ATP2A3: variants seen among roughly 807,000 people sequenced by gnomAD.
The protein encoded by ATP2A3 is sarcoplasmic/endoplasmic reticulum calcium ATPase 3.
ATP2A3 carries 61 observed loss-of-function variants against 106.8 expected under a neutral mutation model. The observed-to-expected ratio is 0.57, with a 90% CI of 0.46 to 0.71. The LOEUF is 0.71. ATP2A3 is among the 30% of genes least tolerant of loss of function. The pLI is 0.00. For missense variants in ATP2A3, 1,201 were observed against 1,423.5 expected, an observed-to-expected ratio of 0.84 and a Z score of 2.52; for synonymous variants, 611 against 609.3, an observed-to-expected ratio of 1.00 and a Z score of -0.04.
Position 3,934,538 on chromosome 17 carries a change from T to TC in ATP2A3, c.2610+653dup, listed in dbSNP as rs1555555352. 4.1e-5 allele frequency among the ~76,000 whole-genome samples: 6 copies of TC among 146,444 alleles called. 1 individual carries two copies. Among genetic ancestry groups the TC allele is most frequent in the Non-Finnish European group, 4.5e-5 (3 of 66,684 alleles). On this transcript the variant is annotated intron_variant, in intron 17 of 20. Coordinates refer to ENST00000397041, the MANE Select transcript of ATP2A3 (RefSeq NM_005173.4). Reference sequence around the variant, plus strand: ...CCCTCGATTCTTTTTTTTTTTTTTTTCTTGAGATGGAGTCTTGCTCTGTCA... The same window carrying TC: ...CCCTCGATTCTTTTTTTTTTTTTTTTCCTTGAGATGGAGTCTTGCTCTGTCA...
Position 3,935,258 on chromosome 17 carries a change from T to C in ATP2A3, c.2544A>G (p.Thr848=), listed in dbSNP as rs756528542. 1.2e-6 allele frequency: 2 copies of C among 1,613,866 alleles called. No homozygotes were observed. Among genetic ancestry groups the C allele is most frequent in the Non-Finnish European group, 1.7e-6 (2 of 1,180,022 alleles). The stretch of plus-strand genomic sequence containing the variant: ...CAAACCACCAGGTGGCGGCAGCCAC[T>C]GTGGCCAGGCCTACGTACACTGCGG... ...LAIGVYVGLA[T]VAAATWWFVY... Residue 848 remains threonine (T), a synonymous_variant, in exon 17 of 21, where the codon ACA becomes ACG. Coordinates refer to ENST00000397041, the MANE Select transcript of ATP2A3 (RefSeq NM_005173.4).
intron 17 of ATP2A3, among the ~76,000 whole-genome samples, chr17:3,932,724 G>GC (rs1459768697): frequency 8.6e-5 from 13 of 151,874 alleles, no homozygotes; most frequent in African/African-American, 2.7e-4. Context: ...ATAGGCGTGA[G>GC]CAGCCACACG....
chr17:3,931,856 G>T (rs2053121824), intron 17 of ATP2A3, among the ~76,000 whole-genome samples: 2 of 152,196 alleles, frequency 1.3e-5, no homozygotes, highest in South Asian at 4.1e-4. Flanking sequence ...GGGGCCATGT[G>T]CTGTGAACAT....
Position 3,929,227 on chromosome 17 carries a change from C to A in ATP2A3, c.2862+101G>T. 8.9e-7 allele frequency: 1 copy of A among 1,126,406 alleles called. No homozygotes were observed. The allele number at this position is 1,126,406 out of a possible 1,614,324, so 69.8% of individuals were successfully genotyped here. On this transcript the variant is annotated intron_variant, in intron 19 of 20. Transcript: ENST00000397041. The surrounding 1 kb of genome is among the most constrained non-coding windows in gnomAD (Gnocchi z 4.3). ...GCCAGACCTCTCACCTCCCTCTCCT[C>A]CAGGTAGTTTCCATTGCAGGGGGGC...
chr17:3,943,712 C>G (rs1037715031), intron 10 of ATP2A3, among the ~76,000 whole-genome samples, 190 bp from the exon 11 acceptor site: 2 of 152,142 alleles, frequency 1.3e-5, no homozygotes, highest in Non-Finnish European at 2.9e-5. Context: ...GACATTCAGC[C>G]CCCCACACTG....
chr17:3,932,489 G>C (rs1020700447), intron 17 of ATP2A3, among the ~76,000 whole-genome samples: 3 of 152,206 alleles, frequency 2.0e-5, no homozygotes, highest in African/African-American at 7.2e-5. Flanking sequence ...ACCCAGGCTG[G>C]AGTGCAGTGG....
In ATP2A3 at chr17:3,930,787, C is replaced by A. The variant is rs1222877300; in HGVS notation, c.2611-353G>T. On this transcript the variant is annotated intron_variant, in intron 17 of 20. Transcript: ENST00000397041. The surrounding 1 kb of genome is among the most constrained non-coding windows in gnomAD (Gnocchi z 5.4). ...GTGAAAATCAACCAACAAAACCATGCGGGAGTGGAATTCACCTTTGCGGTA... is the reference window on the plus strand; with the variant it reads ...GTGAAAATCAACCAACAAAACCATGAGGGAGTGGAATTCACCTTTGCGGTA... The A allele has an allele frequency of 5.1e-6, 2 of 390,612 alleles. No individual in the cohort carries two copies. Among genetic ancestry groups the A allele is most frequent in the Non-Finnish European group, 9.9e-6 (2 of 202,868 alleles). 24.2% of individuals were successfully genotyped at this position (390,612 alleles called of 1,614,324 possible). A position where few individuals can be genotyped will look rare whatever the true frequency, so the allele number is the denominator to read the frequency against.
chr17:3,949,803 A>C (rs978412697), intron 7 of ATP2A3, among the ~76,000 whole-genome samples: 2 of 152,182 alleles, frequency 1.3e-5, no homozygotes, highest in African/African-American at 4.8e-5. Context: ...TATTATTATT[A>C]CTATAAATTT....
intron 17 of ATP2A3, among the ~76,000 whole-genome samples, chr17:3,931,330 T>C (rs913287671): frequency 3.3e-5 from 5 of 151,238 alleles, no homozygotes; most frequent in Non-Finnish European, 7.4e-5. Context: ...CTCAGGGGAG[T>C]TTTCTTACTG....
At position 3,947,581 on chromosome 17, in the gene ATP2A3, A is replaced by G; in HGVS notation, c.905T>C (p.Leu302Pro). The part of the protein sequence containing the change: ...AVYYFKIAVA[L>P]AVAAIPEGLP... ...GCCCTCGGGGATGGCCGCCACCGCC[A>G]GGGCCACGGCGATCTTGAAGTAGTA... Residue 302 changes from leucine (L) to proline (P), a missense_variant, in exon 8 of 21, where the codon CTG becomes CCG. Transcript: ENST00000397041. This position sits in a 1 kb window ranked among gnomAD's most constrained non-coding sequence, Gnocchi z 7.7. 1 of 1,612,826 alleles carries G rather than the reference A, an allele frequency of 6.2e-7. No individual in the cohort carries two copies. The highest frequency in any genetic ancestry group is 8.5e-7 in the Non-Finnish European group (1 of 1,179,908).
intron 16 of ATP2A3, 78 bp from the exon 17 acceptor site, chr17:3,935,355 C>T: frequency 7.2e-7 from 1 of 1,389,980 alleles, no homozygotes; most frequent in Non-Finnish European, 1.0e-6. Context: ...TAATAATTCC[C>T]TGAATTCCCT....
Position 3,924,721 on chromosome 17 carries a change from T to A in ATP2A3, c.*701A>T, listed in dbSNP as rs986639437. ...AGTCCAGCCAGGCTTTCCCGACTTG[T>A]CTCCCGGGAAAGGACATCCTCGCTC... On this transcript the variant is annotated 3_prime_UTR_variant, in exon 21 of 21. Transcript: ENST00000397041. The surrounding 1 kb of genome is among the most constrained non-coding windows in gnomAD (Gnocchi z 6.4). 2 of 456,066 alleles carry A rather than the reference T, an allele frequency of 4.4e-6. No individual in the cohort carries two copies. Among genetic ancestry groups the A allele is most frequent in the Non-Finnish European group, 8.8e-6 (2 of 226,786 alleles). 28.3% of individuals were successfully genotyped at this position (456,066 alleles called of 1,614,324 possible). A position where few individuals can be genotyped will look rare whatever the true frequency, so the allele number is the denominator to read the frequency against.
At chr17:3,944,219 C>T (rs1338087753) in intron 10 of ATP2A3, among the ~76,000 whole-genome samples, 4 of 152,216 alleles carry the variant, frequency 2.6e-5, no homozygotes, top group Non-Finnish European at 5.9e-5. Flanking sequence ...CTGACTATGT[C>T]ACTCTCCTGC....
chr17:3,938,632 TC>T (rs1181417378), intron 14 of ATP2A3, among the ~76,000 whole-genome samples: 1 of 151,140 alleles, frequency 6.6e-6, no homozygotes. Flanking sequence ...TGCAACCTCC[TC>T]CTCCCAGGTT....
At chr17:3,945,200 C>T (rs1407772234) in intron 8 of ATP2A3, 52 bp from the exon 9 acceptor site, 7 of 1,513,376 alleles carry the variant, frequency 4.6e-6, no homozygotes, top group African/African-American at 4.2e-5. Flanking sequence ...CCCTCCTCCC[C>T]GGGCGGCCAG....
At position 3,928,901 on chromosome 17, in the gene ATP2A3, C is replaced by G; in HGVS notation, c.2863-121G>C. On this transcript the variant is annotated intron_variant, in intron 19 of 20. Transcript: ENST00000397041. This position sits in a 1 kb window ranked among gnomAD's most constrained non-coding sequence, Gnocchi z 6.1. ...CTCTTCATGAGCGCTCCTAAGAACC[C>G]CCTGGATGCACCCCCGATCTTTGTC... is the stretch of plus-strand genomic sequence containing the variant. 6.9e-6 allele frequency: 5 copies of G among 719,796 alleles called. No homozygotes were observed. Among genetic ancestry groups the G allele is most frequent in the Non-Finnish European group, 1.2e-5 (5 of 423,706 alleles). 44.6% of individuals were successfully genotyped at this position (719,796 alleles called of 1,614,324 possible). A position where few individuals can be genotyped will look rare whatever the true frequency, so the allele number is the denominator to read the frequency against.
chr17:3,926,386 T>C lies in ATP2A3; in HGVS notation c.2981-945A>G, dbSNP rs529826442. Among the ~76,000 whole-genome samples, 26 of 152,210 alleles carry C rather than the reference T, an allele frequency of 1.7e-4. No individual in the cohort carries two copies. Among genetic ancestry groups the C allele is most frequent in the African/African-American group, 6.3e-4 (26 of 41,530 alleles). On this transcript the variant is annotated intron_variant, in intron 20 of 20. Coordinates refer to ENST00000397041, the MANE Select transcript of ATP2A3 (RefSeq NM_005173.4). This position sits in a 1 kb window ranked among gnomAD's most constrained non-coding sequence, Gnocchi z 4.6. ...GGGTGCCTCCACCCCACCCCTCAGA[T>C]GGAGCCGCAGGTACCCAGCCTGTGT...
At chr17:3,940,029 A>ATATTTTTTT (rs1252348671) in intron 14 of ATP2A3, among the ~76,000 whole-genome samples, 1 of 122,584 alleles carries the variant, frequency 8.2e-6, no homozygotes, top group African/African-American at 4.1e-5. Context: ...AATGTGTCAT[A>ATATTTTTTT]TCTTTTTTTT....
At chr17:3,962,953 G>C (rs2055221419) in intron 1 of ATP2A3, among the ~76,000 whole-genome samples, 1 of 152,150 alleles carries the variant, frequency 6.6e-6, no homozygotes, top group Admixed American at 6.5e-5. Context: ...CAACCTCCCT[G>C]CCAAGTCACT....
Sources: allele counts gnomAD v4.1 joint callset (sites outside exome capture counted in the v4.1 genomes callset), GRCh38; gene constraint gnomAD v4.1.1; non-coding constraint Gnocchi (gnomAD v3.1); transcripts MANE v1.5; gene names NCBI Gene and HGNC (gene_info 2026-07-23, HGNC 2026-07-21).